Variants in PCDHA12 observed in about 807,000 individuals in gnomAD.
PCDHA12 encodes protocadherin alpha-12.
PCDHA12 carries 44 observed loss-of-function variants against 60.0 expected under a neutral mutation model. The observed-to-expected ratio is 0.73, with a 90% CI of 0.58 to 0.94. The LOEUF is 0.94. Ranked by LOEUF, PCDHA12 falls within the 40% of genes least tolerant of loss-of-function variation. The probability of loss-of-function intolerance (pLI) is 0.00; values close to 1 mark genes in which losing one functional copy is unlikely to be tolerated. For missense variants in PCDHA12, 1,276 were observed against 1,239.7 expected, an observed-to-expected ratio of 1.03 and a Z score of -0.44; for synonymous variants, 569 against 553.0, an observed-to-expected ratio of 1.03 and a Z score of -0.40.
chr5:140,901,232 AT>A (rs2068522830), intron 1 of PCDHA12, among the ~76,000 whole-genome samples: 4 of 152,022 alleles, frequency 2.6e-5, no homozygotes, highest in East Asian at 1.9e-4. Context: ...CCATATATCC[AT>A]TTTTTTCCTT....
rs781884794 is a variant in PCDHA12, at chr5:140,876,899, C to A, written c.1427C>A (p.Thr476Lys). 8 of 1,613,974 alleles carry A rather than the reference C, an allele frequency of 5.0e-6. No individual in the cohort carries two copies. Among genetic ancestry groups the A allele is most frequent in the Non-Finnish European group, 6.8e-6 (8 of 1,179,996 alleles). ...ENNPPGCHIF[T>K]VSAWDADAQK... ...AACCCGCCGGGCTGCCACATCTTCA[C>A]GGTGTCGGCATGGGACGCGGACGCG... Residue 476 changes from threonine (T) to lysine (K), a missense_variant, in exon 1 of 4, where the codon ACG becomes AAG. Physicochemically the swap from Thr to Lys is moderately conservative, Grantham distance 78. Transcript: ENST00000398631.
At chr5:140,917,892 T>C (rs1382149175) in intron 1 of PCDHA12, among the ~76,000 whole-genome samples, 2 of 152,104 alleles carry the variant, frequency 1.3e-5, no homozygotes, top group African/African-American at 4.8e-5. Flanking sequence ...TTTTTCCATA[T>C]GAATGTTAGG....
At chr5:140,938,538 AT>A (rs1278860544) in intron 1 of PCDHA12, among the ~76,000 whole-genome samples, 1 of 135,490 alleles carries the variant, frequency 7.4e-6, no homozygotes, top group Non-Finnish European at 1.6e-5. Context: ...GATAATATGG[AT>A]TTTTATCCTT....
chr5:141,009,132 G>GA (rs1172401436), intron 3 of PCDHA12, among the ~76,000 whole-genome samples: 11 of 152,202 alleles, frequency 7.2e-5, no homozygotes, highest in African/African-American at 2.4e-4. Flanking sequence ...GTATCCTGGT[G>GA]AAAAAACCTG....
intron 3 of PCDHA12, among the ~76,000 whole-genome samples, chr5:141,003,441 AGAT>A (rs2098125025): frequency 6.6e-6 from 1 of 152,122 alleles, no homozygotes; most frequent in Non-Finnish European, 1.5e-5. Context: ...CCTCCCAAGT[AGAT>A]GAAATTACAG....
chr5:140,918,445 A>G (rs2078702084), intron 1 of PCDHA12, among the ~76,000 whole-genome samples: 1 of 152,144 alleles, frequency 6.6e-6, no homozygotes, highest in African/African-American at 2.4e-5. Context: ...GAGTGGTGAC[A>G]GTGGGCATCC....
chr5:140,942,590 A>G (rs868979857), intron 1 of PCDHA12, among the ~76,000 whole-genome samples: 1 of 148,658 alleles, frequency 6.7e-6, no homozygotes, highest in Admixed American at 6.8e-5. Context: ...GATGTCACAT[A>G]TAATTATAGT....
chr5:140,946,631 T>TATATACACAC (rs57893927), intron 1 of PCDHA12, among the ~76,000 whole-genome samples: 7 of 131,846 alleles, frequency 5.3e-5, no homozygotes, highest in Non-Finnish European at 1.1e-4. Context: ...TATATATATA[T>TATATACACAC]ACAATGGAAT....
intron 1 of PCDHA12, chr5:140,926,928 G>GT: frequency 1.3e-6 from 2 of 1,574,878 alleles, no homozygotes; most frequent in South Asian, 2.4e-5. Context: ...TATGTTTGTG[G>GT]GTTTCCTGCG....
At chr5:141,005,562 C>T (rs928721111) in intron 3 of PCDHA12, among the ~76,000 whole-genome samples, 2 of 151,226 alleles carry the variant, frequency 1.3e-5, no homozygotes, top group Admixed American at 6.6e-5. Flanking sequence ...ATTAGCCGGG[C>T]ATGGTGGCGC....
At chr5:140,891,494 C>T (rs548491891) in intron 1 of PCDHA12, among the ~76,000 whole-genome samples, 1 of 151,678 alleles carries the variant, frequency 6.6e-6, no homozygotes, top group South Asian at 2.1e-4. Flanking sequence ...TGAGCATATC[C>T]TCAGCTATAA....
At chr5:140,978,922 C>A (rs569091265) in intron 1 of PCDHA12, 27 bp from the exon 2 acceptor site, 7 of 1,613,966 alleles carry the variant, frequency 4.3e-6, no homozygotes, top group Non-Finnish European at 5.1e-6. Context: ...GTCATTTTAA[C>A]AGAAAACTCT....
At chr5:140,984,083 A>C (rs2097086103) in intron 3 of PCDHA12, among the ~76,000 whole-genome samples, 1 of 152,226 alleles carries the variant, frequency 6.6e-6, no homozygotes, top group South Asian at 2.1e-4. Context: ...GATGGAGTGA[A>C]GAAATGATGG....
chr5:140,875,694 T>C lies in PCDHA12; in HGVS notation c.222T>C (p.Leu74=). The C allele has an allele frequency of 6.2e-7, 1 of 1,614,008 alleles. No homozygotes were observed. The highest frequency in any genetic ancestry group is 1.1e-5 in the South Asian group (1 of 91,060). ...FRVASKRHGD[L]LEVNLQNGIL... ...TGGCGTCCAAAAGACACGGGGACCT[T>C]CTGGAGGTAAATCTGCAGAATGGCA... The change falls in exon 1 of 4, where the codon CTT becomes CTC. Residue 74 remains leucine (L), a synonymous_variant. Coordinates refer to ENST00000398631, the MANE Select transcript of PCDHA12 (RefSeq NM_018903.4).
At chr5:140,880,791 A>G (rs950375774) in intron 1 of PCDHA12, among the ~76,000 whole-genome samples, 4 of 152,242 alleles carry the variant, frequency 2.6e-5, no homozygotes, top group Non-Finnish European at 4.4e-5. Context: ...GAGGAGTAAT[A>G]TAAATAGGTG....
intron 1 of PCDHA12, among the ~76,000 whole-genome samples, chr5:140,917,287 G>C (rs190210744): frequency 6.8e-6 from 1 of 147,568 alleles, no homozygotes; most frequent in Non-Finnish European, 1.5e-5. Context: ...ACGCTTTTCC[G>C]TGTGCAGATA....
chr5:140,979,146 TC>T (rs2096836943), intron 2 of PCDHA12, 139 bp downstream of exon 2: 2 of 1,444,078 alleles, frequency 1.4e-6, no homozygotes, highest in African/African-American at 2.9e-5. Context: ...AATTATTTTG[TC>T]CCCATGTTTA....
intron 1 of PCDHA12, among the ~76,000 whole-genome samples, chr5:140,951,791 A>T (rs375226786): frequency 1.3e-5 from 2 of 152,228 alleles, no homozygotes; most frequent in Non-Finnish European, 2.9e-5. Context: ...AAATACAATT[A>T]TCCCTTCCCA....
chr5:140,882,438 C>T (rs782795158), intron 1 of PCDHA12: 5 of 1,614,020 alleles, frequency 3.1e-6, no homozygotes, highest in Non-Finnish European at 4.2e-6. Context: ...CTGGAGCTGG[C>T]GGAGCTGGTG....
Sources: allele counts gnomAD v4.1 joint callset (sites outside exome capture counted in the v4.1 genomes callset), GRCh38; gene constraint gnomAD v4.1.1; transcripts MANE v1.5; gene names NCBI Gene and HGNC (gene_info 2026-07-23, HGNC 2026-07-21).